The following POU6F2 variants were observed in gnomAD, a reference collection of about 807,000 sequenced individuals.
POU6F2 encodes POU class 6 homeobox 2.
A neutral mutation model predicts 71.3 loss-of-function variants in POU6F2; 31 were observed. That is an observed-to-expected ratio of 0.43 (90% CI 0.33 to 0.59). POU6F2 has a LOEUF of 0.59. POU6F2 is among the 20% of genes least tolerant of loss of function. The pLI is 0.04. For synonymous variants in POU6F2, 347 were observed against 355.7 expected (o/e 0.98, Z 0.27); for missense variants, 783 against 856.8 (o/e 0.91, Z 1.07).
intron 4 of POU6F2, among the ~76,000 whole-genome samples, chr7:39,250,253 C>T (rs926255141): frequency 5.9e-5 from 9 of 152,170 alleles, no homozygotes; most frequent in Admixed American, 1.3e-4. Context: ...AAACAGTGAC[C>T]GTGATCTTGA....
At chr7:39,247,704 C>T (rs1326374507) in intron 4 of POU6F2, among the ~76,000 whole-genome samples, 1 of 152,094 alleles carries the variant, frequency 6.6e-6, no homozygotes, top group African/African-American at 2.4e-5. Context: ...AATGACCAAT[C>T]CCACTTTCAT....
chr7:39,130,147 G>GGTAGGT (rs1792237246), intron 2 of POU6F2, among the ~76,000 whole-genome samples: 2 of 143,428 alleles, frequency 1.4e-5, no homozygotes, highest in African/African-American at 5.2e-5. Flanking sequence ...GAAAGGGGTA[G>GGTAGGT]GTGTGTGTGT....
chr7:39,324,858 A>G (rs1039980930), intron 4 of POU6F2, among the ~76,000 whole-genome samples: 1 of 152,170 alleles, frequency 6.6e-6, no homozygotes, highest in Admixed American at 6.5e-5. Flanking sequence ...GAATTAATGT[A>G]ATTATTTTGT....
chr7:39,434,453 A>G (rs1243080288), intron 7 of POU6F2, among the ~76,000 whole-genome samples: 1 of 152,108 alleles, frequency 6.6e-6, no homozygotes, highest in Non-Finnish European at 1.5e-5. Context: ...ATGAGGATTA[A>G]ATGAGTTAAT....
chr7:39,330,434 G>C (rs142907694), intron 4 of POU6F2, among the ~76,000 whole-genome samples: 2 of 152,040 alleles, frequency 1.3e-5, no homozygotes, highest in Non-Finnish European at 2.9e-5. Context: ...TCCCTTCCAC[G>C]TGGTCAAGGA....
intron 2 of POU6F2, among the ~76,000 whole-genome samples, chr7:39,101,354 C>T (rs922260847): frequency 6.6e-6 from 1 of 152,048 alleles, no homozygotes; most frequent in Non-Finnish European, 1.5e-5. Flanking sequence ...GGATCATAAG[C>T]GTGAGCCGCC....
chr7:39,125,966 A>G lies in POU6F2; in HGVS notation c.277+39935A>G, dbSNP rs565446514. Among the ~76,000 whole-genome samples, 8 of 152,358 alleles carry G rather than the reference A, an allele frequency of 5.3e-5. No homozygotes were observed. In the East Asian group the frequency reaches 7.7e-4, roughly 15 times the overall value. On this transcript the variant is annotated intron_variant, in intron 2 of 9. Coordinates refer to ENST00000518318, the MANE Select transcript of POU6F2 (RefSeq NM_001370959.1). ...GGACCAAAGACTCCCACTGGTTCCA[A>G]TCTCCTGAATGGTGCCTGTCTCTCC...
chr7:39,140,060 A>G (rs1014196884), intron 2 of POU6F2, among the ~76,000 whole-genome samples: 2 of 152,220 alleles, frequency 1.3e-5, no homozygotes, highest in Admixed American at 6.5e-5. Context: ...TTTGTCATAC[A>G]TAAAGGGTGA....
chr7:39,349,166 T>C (rs1397549750), intron 5 of POU6F2, among the ~76,000 whole-genome samples: 1 of 152,164 alleles, frequency 6.6e-6, no homozygotes, highest in Non-Finnish European at 1.5e-5. Context: ...AAGGAAAAAC[T>C]TAAAACTAAG....
At chr7:39,212,964 G>C (rs959338608) in intron 4 of POU6F2, among the ~76,000 whole-genome samples, 2 of 152,194 alleles carry the variant, frequency 1.3e-5, no homozygotes, top group African/African-American at 2.4e-5. Context: ...GCAGCAAAAG[G>C]GTTAATGGAA....
chr7:39,260,555 A>G (rs116051866), intron 4 of POU6F2, among the ~76,000 whole-genome samples: 10,649 of 149,378 alleles, frequency 0.071, 469 homozygotes, highest in South Asian at 0.2. Context: ...CACACACCAC[A>G]TTCCACACAC....
rs140213268 is a variant in POU6F2, at chr7:39,366,250, G to A, written c.972+26235G>A. ...GGGTGTGGTCATTGACAATACCAGA[G>A]CATGACCTTGGGAGATACGGCTGAG... On this transcript the variant is annotated intron_variant, in intron 5 of 9. Coordinates refer to ENST00000518318, the MANE Select transcript of POU6F2 (RefSeq NM_001370959.1). Among the ~76,000 whole-genome samples, 1,301 of 152,294 alleles carry A rather than the reference G, an allele frequency of 8.5e-3. 7 individuals are homozygous for A. Among genetic ancestry groups the A allele is most frequent in the Non-Finnish European group, 0.014 (930 of 68,034 alleles).
At chr7:39,332,452 T>G (rs1375313925) in intron 4 of POU6F2, among the ~76,000 whole-genome samples, 1 of 152,224 alleles carries the variant, frequency 6.6e-6, no homozygotes, top group Non-Finnish European at 1.5e-5. Flanking sequence ...CTATTCAACT[T>G]TGTAAGAAAA....
intron 3 of POU6F2, among the ~76,000 whole-genome samples, chr7:39,205,156 A>G (rs1231402509): frequency 1.3e-5 from 2 of 151,782 alleles, no homozygotes; most frequent in African/African-American, 4.8e-5. Flanking sequence ...ATCTCGGAGG[A>G]CAGATCACTC....
At chr7:38,997,387 C>T (rs1439595135) in intron 1 of POU6F2, among the ~76,000 whole-genome samples, 2 of 152,192 alleles carry the variant, frequency 1.3e-5, no homozygotes, top group Non-Finnish European at 2.9e-5. Context: ...TATCTCTGAA[C>T]TTCCACAACA....
intron 2 of POU6F2, among the ~76,000 whole-genome samples, chr7:39,098,432 C>A (rs1486067354): frequency 1.3e-5 from 2 of 149,568 alleles, no homozygotes; most frequent in Non-Finnish European, 3.0e-5. Flanking sequence ...TACCATCACA[C>A]TCAGCTAATT....
chr7:39,004,154 G>A (rs1584491776), intron 1 of POU6F2, among the ~76,000 whole-genome samples: 1 of 152,114 alleles, frequency 6.6e-6, no homozygotes, highest in East Asian at 1.9e-4. Flanking sequence ...CCTTTTCACT[G>A]TGTTCACCCA....
At chr7:38,991,353 T>C (rs1052216170) in intron 1 of POU6F2, among the ~76,000 whole-genome samples, 5 of 152,152 alleles carry the variant, frequency 3.3e-5, no homozygotes, top group South Asian at 2.1e-4. Context: ...ATAAATCTCA[T>C]TGAAAACCGT....
At chr7:39,353,612 T>TG (rs1786189480) in intron 5 of POU6F2, among the ~76,000 whole-genome samples, 7 of 152,202 alleles carry the variant, frequency 4.6e-5, no homozygotes, top group Non-Finnish European at 2.9e-5. Flanking sequence ...AACATGACAT[T>TG]GTCTAGGGCT....
Sources: allele counts gnomAD v4.1 joint callset (sites outside exome capture counted in the v4.1 genomes callset), GRCh38; gene constraint gnomAD v4.1.1; transcripts MANE v1.5; gene names NCBI Gene and HGNC (gene_info 2026-07-23, HGNC 2026-07-21).